The following ZFR2 variants were observed in gnomAD, a reference collection of about 807,000 sequenced individuals.
ZFR2 encodes zinc finger RNA-binding protein 2.
A neutral mutation model predicts 105.7 loss-of-function variants in ZFR2; 104 were observed. The observed-to-expected ratio is 0.98, with a 90% CI of 0.84 to 1.16. The LOEUF (loss-of-function observed/expected upper bound fraction) is 1.16, where lower values mean the gene tolerates loss of function less well. ZFR2 is among the 50% of genes most tolerant of loss of function. ZFR2 has a pLI of 0.00. For synonymous variants in ZFR2, 634 were observed against 597.7 expected (o/e 1.06, Z -0.89); for missense variants, 1,425 against 1,355.5 (o/e 1.05, Z -0.80).
chr19:3,805,846 A>G lies in ZFR2; in HGVS notation c.*103T>C. On this transcript the variant is annotated 3_prime_UTR_variant, in exon 19 of 19. Coordinates refer to ENST00000262961, the MANE Select transcript of ZFR2 (RefSeq NM_015174.2). The stretch of plus-strand genomic sequence containing the variant: ...ACCTACAGAGCGTTACTCAAAAGGA[A>G]ATGACCATTGTCCAACGTCGGGGAT... The G allele has an allele frequency of 7.6e-7, 1 of 1,313,722 alleles. No individual in the cohort carries two copies. Among genetic ancestry groups the G allele is most frequent in the Non-Finnish European group, 1.0e-6 (1 of 998,580 alleles). 81.4% of individuals were successfully genotyped at this position (1,313,722 alleles called of 1,614,324 possible).
intron 1 of ZFR2, among the ~76,000 whole-genome samples, chr19:3,840,887 TTTCAG>T (rs1478626886): frequency 1.3e-5 from 2 of 152,134 alleles, no homozygotes; most frequent in African/African-American, 4.8e-5. Context: ...ATTTGTTTCA[TTTCAG>T]TTAATTTAGA....
chr19:3,817,606 A>T (rs2037839957), intron 12 of ZFR2, among the ~76,000 whole-genome samples: 1 of 105,208 alleles, frequency 9.5e-6, no homozygotes, highest in Non-Finnish European at 2.0e-5. Flanking sequence ...TAATAATAAT[A>T]ATTAGCTGGG....
intron 18 of ZFR2, 61 bp downstream of exon 18, chr19:3,807,111 C>T: frequency 7.6e-7 from 1 of 1,308,492 alleles, no homozygotes; most frequent in Non-Finnish European, 1.1e-6. Flanking sequence ...GGGAACACTG[C>T]ACAGCTGCAA....
chr19:3,826,671 C>A (rs1307131116), intron 6 of ZFR2, among the ~76,000 whole-genome samples: 1 of 151,968 alleles, frequency 6.6e-6, no homozygotes, highest in Non-Finnish European at 1.5e-5. Flanking sequence ...CTCCCAACCT[C>A]ATGCGATCCA....
chr19:3,840,246 T>G (rs1294555940), intron 1 of ZFR2, among the ~76,000 whole-genome samples: 1 of 130,372 alleles, frequency 7.7e-6, no homozygotes, highest in Admixed American at 7.7e-5. Context: ...CTTGTTTTAC[T>G]TTTTTTTTTT....
Position 3,838,311 on chromosome 19 carries a change from G to A in ZFR2, c.54-3328C>T, listed in dbSNP as rs73919380. 0.03 allele frequency among the ~76,000 whole-genome samples: 4,548 copies of A among 152,290 alleles called. 213 individuals carry two copies. Among genetic ancestry groups the A allele is most frequent in the African/African-American group, 0.1 (4,286 of 41,544 alleles). On this transcript the variant is annotated intron_variant, in intron 1 of 18. Coordinates refer to ENST00000262961, the MANE Select transcript of ZFR2 (RefSeq NM_015174.2). The surrounding 1 kb of genome is among the most constrained non-coding windows in gnomAD (Gnocchi z 4.9). ...GACACCTGATGAACACTATGACAGT[G>A]GCAGTACTCCTGTTCCCACACTCCC...
intron 1 of ZFR2, among the ~76,000 whole-genome samples, chr19:3,843,703 C>T (rs1208299067): frequency 1.3e-5 from 2 of 150,970 alleles, no homozygotes; most frequent in Admixed American, 6.6e-5. Flanking sequence ...GGCGTGGTGG[C>T]GGGCGCCTGT....
Position 3,822,108 on chromosome 19 carries a change from C to A in ZFR2, c.1464G>T (p.Arg488Ser). Reference protein sequence around the residue: ...NDLNAKDLHVRGRRHRLQYRK... With the variant: ...NDLNAKDLHVSGRRHRLQYRK... The stretch of plus-strand genomic sequence containing the variant: ...GGTACTGCAGCCGGTGCCGCCGCCC[C>A]CTCACGTGCAGGTCCTTCGCGTTAA... The change falls in exon 9 of 19, where the codon AGG becomes AGT. Residue 488 changes from arginine to serine, a missense_variant. Transcript: ENST00000262961. The A allele has an allele frequency of 1.2e-6, 2 of 1,608,946 alleles. No individual in the cohort carries two copies. Among genetic ancestry groups the A allele is most frequent in the Non-Finnish European group, 1.7e-6 (2 of 1,178,094 alleles).
Position 3,805,798 on chromosome 19 carries a change from G to A in ZFR2, c.*151C>T. 4 of 945,058 alleles carry A rather than the reference G, an allele frequency of 4.2e-6. No individual in the cohort carries two copies. The highest frequency in any genetic ancestry group is 5.9e-6 in the Non-Finnish European group (4 of 680,838). The allele number at this position is 945,058 out of a possible 1,614,324, so 58.5% of individuals were successfully genotyped here. A position where few individuals can be genotyped will look rare whatever the true frequency, so the allele number is the denominator to read the frequency against. On this transcript the variant is annotated 3_prime_UTR_variant, in exon 19 of 19. Transcript: ENST00000262961. ...AGGCATGAGCCACAGTGCCCGGTCT[G>A]AAGCACAGGTGTTTTAAAGGAAACC...
chr19:3,823,723 C>T lies in ZFR2; in HGVS notation c.1214-320G>A, dbSNP rs1329237198. 1.3e-5 allele frequency among the ~76,000 whole-genome samples: 2 copies of T among 152,172 alleles called. No individual in the cohort carries two copies. The highest frequency in any genetic ancestry group is 2.4e-5 in the African/African-American group (1 of 41,438). On this transcript the variant is annotated intron_variant, in intron 7 of 18. Coordinates refer to ENST00000262961, the MANE Select transcript of ZFR2 (RefSeq NM_015174.2). The surrounding 1 kb of genome is among the most constrained non-coding windows in gnomAD (Gnocchi z 5.4). ...ATGAAGTATCAGGCGGACCAAGGCT[C>T]GCACTTAACCTACCCCCGTTAGGCG... is the stretch of plus-strand genomic sequence containing the variant.
chr19:3,848,781 G>C (rs2038207411), intron 1 of ZFR2, among the ~76,000 whole-genome samples: 1 of 151,904 alleles, frequency 6.6e-6, no homozygotes, highest in Non-Finnish European at 1.5e-5. Flanking sequence ...CACGAGGTCA[G>C]GAGATCGAGA....
At chr19:3,853,014 C>T (rs1568431789) in intron 1 of ZFR2, among the ~76,000 whole-genome samples, 1 of 152,172 alleles carries the variant, frequency 6.6e-6, no homozygotes, top group Non-Finnish European at 1.5e-5. Flanking sequence ...TGCAGTGGCT[C>T]ACCTGTAATC....
rs2038012687 is a variant in ZFR2, at chr19:3,831,362, GC to G, written c.792del (p.Arg266GlyfsTer161). 8 of 1,556,684 alleles carry G rather than the reference GC, an allele frequency of 5.1e-6. No individual in the cohort carries two copies. Among genetic ancestry groups the G allele is most frequent in the Non-Finnish European group, 6.9e-6 (8 of 1,152,326 alleles). On this transcript the variant is annotated frameshift_variant, in exon 5 of 19. Coordinates refer to ENST00000262961, the MANE Select transcript of ZFR2 (RefSeq NM_015174.2). LOFTEE classifies it high-confidence loss of function. ...LPSKLPRPKA[G>X]PRQLQLHYCD... ...CAGTAGTGAAGCTGGAGCTGCCTGG[GC>G]CCCGCCTTGGGTCTCGGCAGCTTGC...
intron 2 of ZFR2, 113 bp from the exon 3 acceptor site, chr19:3,833,891 T>G: frequency 1.3e-5 from 10 of 777,172 alleles, no homozygotes; most frequent in East Asian, 3.3e-5. Context: ...CCTGCAGCGC[T>G]GGCTCCTAAG....
chr19:3,833,264 A>G (rs1418907693), intron 3 of ZFR2, among the ~76,000 whole-genome samples: 1 of 145,402 alleles, frequency 6.9e-6, no homozygotes, highest in African/African-American at 2.5e-5. Context: ...AAAAAAAAAA[A>G]AAGAAAAGAA....
chr19:3,852,704 T>C, intron 1 of ZFR2: 1 of 653,834 alleles, frequency 1.5e-6, no homozygotes, highest in Non-Finnish European at 2.8e-6. Context: ...TGCCACATTG[T>C]GGTTTCAGGA....
chr19:3,822,080 C>G lies in ZFR2; in HGVS notation c.1491+1G>C. 6.3e-7 allele frequency: 1 copy of G among 1,598,444 alleles called. No homozygotes were observed. The highest frequency in any genetic ancestry group is 8.5e-7 in the Non-Finnish European group (1 of 1,173,796). Reference sequence around the variant, plus strand: ...GTCGGAGCTCCCCCTGCTGGACGCACCCGGTACTGCAGCCGGTGCCGCCGC... The same window carrying G: ...GTCGGAGCTCCCCCTGCTGGACGCAGCCGGTACTGCAGCCGGTGCCGCCGC... On this transcript the variant is annotated splice_donor_variant, in intron 9 of 18. Coordinates refer to ENST00000262961, the MANE Select transcript of ZFR2 (RefSeq NM_015174.2). LOFTEE classifies it high-confidence loss of function.
intron 5 of ZFR2, among the ~76,000 whole-genome samples, chr19:3,828,625 G>A (rs1217201658): frequency 1.3e-5 from 2 of 152,310 alleles, no homozygotes; most frequent in East Asian, 3.9e-4. Flanking sequence ...GTACTACTGG[G>A]CCCAAAATAT....
rs2038336293 is a variant in ZFR2 at position 3,858,708 on chromosome 19, C to T, written c.53+10257G>A. Reference sequence around the variant, plus strand: ...TGGTGCATGCCTGAAATCCCAGCTACTTGGGAGGCTGAGGCAGGAGAATCA... The same window carrying T: ...TGGTGCATGCCTGAAATCCCAGCTATTTGGGAGGCTGAGGCAGGAGAATCA... On this transcript the variant is annotated intron_variant, in intron 1 of 18. Coordinates refer to ENST00000262961, the MANE Select transcript of ZFR2 (RefSeq NM_015174.2). This position sits in a 1 kb window ranked among gnomAD's most constrained non-coding sequence, Gnocchi z 4.3. Among the ~76,000 whole-genome samples the T allele has an allele frequency of 6.6e-6, 1 of 152,176 alleles. No individual in the cohort carries two copies. Among genetic ancestry groups the T allele is most frequent in the Non-Finnish European group, 1.5e-5 (1 of 68,024 alleles).
Sources: gnomAD v4.1 joint callset for allele counts (sites outside exome capture counted in the v4.1 genomes callset) on GRCh38, gnomAD v4.1.1 for gene constraint, Gnocchi (gnomAD v3.1) non-coding constraint, MANE v1.5 for transcripts, NCBI Gene and HGNC (gene_info 2026-07-23, HGNC 2026-07-21) for gene names.